LOC128092252: variants seen among roughly 807,000 people sequenced by gnomAD.
At chr15:50,662,720 T>G in the LOC128092252 span, among the ~76,000 whole-genome samples, 3 of 152,160 alleles carry the variant, frequency 2.0e-5, no homozygotes, top group African/African-American at 4.8e-5. Flanking sequence ...TGAGGGAGTT[T>G]AGAGATGGAG....
the LOC128092252 span, among the ~76,000 whole-genome samples, chr15:50,680,504 G>A: frequency 1.1e-4 from 17 of 151,786 alleles, no homozygotes; most frequent in Admixed American, 9.2e-4. Context: ...GGGAGGCGGA[G>A]TCTGCAATGA....
At chr15:50,683,441 A>G in the LOC128092252 span, among the ~76,000 whole-genome samples, 4 of 151,938 alleles carry the variant, frequency 2.6e-5, no homozygotes, top group African/African-American at 9.7e-5. Flanking sequence ...AACATTTAAA[A>G]AAAAAAAAAG....
chr15:50,680,969 A>C, the LOC128092252 span, among the ~76,000 whole-genome samples: 2 of 152,108 alleles, frequency 1.3e-5, no homozygotes, highest in Admixed American at 6.6e-5. Flanking sequence ...ATATATGTAA[A>C]GTGTCGGGCG....
the LOC128092252 span, among the ~76,000 whole-genome samples, chr15:50,651,284 G>T: frequency 6.6e-6 from 1 of 152,122 alleles, no homozygotes; most frequent in Non-Finnish European, 1.5e-5. Flanking sequence ...GACCAGAAAA[G>T]AACGAGATGA....
chr15:50,683,619 A>G, the LOC128092252 span, among the ~76,000 whole-genome samples: 1 of 152,090 alleles, frequency 6.6e-6, no homozygotes, highest in Non-Finnish European at 1.5e-5. Context: ...CTGTAATCCC[A>G]GCTTCGGGAG....
the LOC128092252 span, among the ~76,000 whole-genome samples, chr15:50,684,757 T>A: frequency 3.9e-5 from 6 of 152,022 alleles, no homozygotes; most frequent in African/African-American, 1.4e-4. Flanking sequence ...AAATGATGGG[T>A]TTCTTTCAAC....
At chr15:50,663,945 AGAGT>A in the LOC128092252 span, among the ~76,000 whole-genome samples, 1 of 150,426 alleles carries the variant, frequency 6.6e-6, no homozygotes, top group South Asian at 2.1e-4. Flanking sequence ...CCTGAGTGAA[AGAGT>A]GAGAGACTCT....
the LOC128092252 span, among the ~76,000 whole-genome samples, chr15:50,685,882 T>C: frequency 6.6e-6 from 1 of 152,152 alleles, no homozygotes; most frequent in East Asian, 1.9e-4. Flanking sequence ...CAGTACATTG[T>C]CTTGGTCCCC....
the LOC128092252 span, among the ~76,000 whole-genome samples, chr15:50,658,447 A>AT: frequency 5.3e-5 from 8 of 151,950 alleles, no homozygotes; most frequent in South Asian, 1.7e-3. Flanking sequence ...GTGCAGGCCT[A>AT]TAGTCCTAGC....
chr15:50,676,709 A>C, the LOC128092252 span, among the ~76,000 whole-genome samples: 53,056 of 151,956 alleles, frequency 0.35, 10,463 homozygotes, highest in Admixed American at 0.48. Context: ...GCCTGAAAAC[A>C]GTCCCCATCC....
chr15:50,662,326 CA>C, the LOC128092252 span, among the ~76,000 whole-genome samples: 1,018 of 124,536 alleles, frequency 8.2e-3, 5 homozygotes, highest in African/African-American at 0.019. Context: ...GACTCTGTTC[CA>C]AAAAAAAAAA....
At chr15:50,669,540 A>G in the LOC128092252 span, among the ~76,000 whole-genome samples, 1 of 152,240 alleles carries the variant, frequency 6.6e-6, no homozygotes, top group Non-Finnish European at 1.5e-5. Context: ...GAAAGCCTAT[A>G]TAATTATTCT....
chr15:50,654,253 C>T, the LOC128092252 span, among the ~76,000 whole-genome samples: 1 of 151,420 alleles, frequency 6.6e-6, no homozygotes, highest in Non-Finnish European at 1.5e-5. Flanking sequence ...CCAGACCAGT[C>T]TGGCCAACAT....
chr15:50,680,211 G>C, the LOC128092252 span, among the ~76,000 whole-genome samples: 1 of 150,804 alleles, frequency 6.6e-6, no homozygotes, highest in Non-Finnish European at 1.5e-5. Context: ...TCCAGCCTGG[G>C]TGACAGAGCA....
At chr15:50,686,655 C>G in the LOC128092252 span, 1 of 1,378,706 alleles carries the variant, frequency 7.3e-7, no homozygotes, top group Admixed American at 2.5e-5. Context: ...CAAGGAACGC[C>G]CAGGGAAACC....
the LOC128092252 span, among the ~76,000 whole-genome samples, chr15:50,669,841 A>G: frequency 6.6e-6 from 1 of 152,190 alleles, no homozygotes; most frequent in South Asian, 2.1e-4. Flanking sequence ...TTCTGGGCAC[A>G]TAATACAATC....
the LOC128092252 span, among the ~76,000 whole-genome samples, chr15:50,661,946 G>A: frequency 3.3e-5 from 5 of 152,216 alleles, no homozygotes; most frequent in East Asian, 1.9e-4. Flanking sequence ...TGCTGGGTGC[G>A]GTGGCTCACA....
the LOC128092252 span, among the ~76,000 whole-genome samples, chr15:50,658,005 ATTT>A: frequency 2.2e-5 from 3 of 139,292 alleles, no homozygotes; most frequent in Non-Finnish European, 3.1e-5. Flanking sequence ...GACAGTCTCA[ATTT>A]TTTTTTTTTT....
chr15:50,679,501 GTATATATATAATATATATA>G, the LOC128092252 span, among the ~76,000 whole-genome samples: 5 of 84,626 alleles, frequency 5.9e-5, no homozygotes, highest in African/African-American at 2.2e-4. Context: ...ATATATATGT[GTATATATATAATATATATA>G]TATATATATA....
Sources: allele counts gnomAD v4.1 joint callset (sites outside exome capture counted in the v4.1 genomes callset), GRCh38; gene constraint gnomAD v4.1.1; transcripts MANE v1.5.